The following TBCD variants were observed in gnomAD, a reference collection of about 807,000 sequenced individuals.
TBCD encodes tubulin-specific chaperone D.
A neutral mutation model predicts 169.3 loss-of-function variants in TBCD; 105 were observed. The ratio of observed to expected loss-of-function variants is 0.62; its 90% CI spans 0.53 to 0.73. The LOEUF is 0.73. Ranked by LOEUF, TBCD falls within the 30% of genes least tolerant of loss-of-function variation. TBCD has a pLI of 0.00. For missense variants in TBCD, 1,444 were observed against 1,600.1 expected, an observed-to-expected ratio of 0.90 and a Z score of 1.66; for synonymous variants, 700 against 643.9, an observed-to-expected ratio of 1.09 and a Z score of -1.32.
Position 82,764,052 on chromosome 17 carries a change from T to A in TBCD, c.323T>A (p.Ile108Asn), listed in dbSNP as rs746401695. The A allele has an allele frequency of 6.2e-7, 1 of 1,613,206 alleles. No homozygotes were observed. The highest frequency in any genetic ancestry group is 1.7e-5 in the Admixed American group (1 of 59,976). ...CATCTGGCTTTTAAATTTCTTTACA[T>A]CATCACCAAGGTAACATTTCCATAG... ...LVHLAFKFLY[I>N]ITKVRGYKTF... Residue 108 changes from isoleucine to asparagine, a missense_variant, in exon 3 of 39, where the codon ATC (isoleucine) becomes AAC (asparagine). Ile to Asn is a moderately radical substitution (Grantham distance 149). Coordinates refer to ENST00000355528, the MANE Select transcript of TBCD (RefSeq NM_005993.5).
At position 82,874,503 on chromosome 17, in the gene TBCD, G is replaced by A. The variant is rs1167064364; in HGVS notation, c.1475+4123G>A. ...GGCTCGCAGCTCACAGGCTTCTGACGCCTCAGCCTGGAGCTGGCGTTGTGC... is the reference window on the plus strand; with the variant it reads ...GGCTCGCAGCTCACAGGCTTCTGACACCTCAGCCTGGAGCTGGCGTTGTGC... On this transcript the variant is annotated intron_variant, in intron 14 of 38. Coordinates refer to ENST00000355528, the MANE Select transcript of TBCD (RefSeq NM_005993.5). This position sits in a 1 kb window ranked among gnomAD's most constrained non-coding sequence, Gnocchi z 5.0. Among the ~76,000 whole-genome samples the A allele has an allele frequency of 5.3e-5, 8 of 152,066 alleles. No individual in the cohort carries two copies. The highest frequency in any genetic ancestry group is 1.3e-4 in the Admixed American group (2 of 15,280).
At chr17:82,768,862 A>G (rs1198921370) in intron 5 of TBCD, among the ~76,000 whole-genome samples, 1 of 152,224 alleles carries the variant, frequency 6.6e-6, no homozygotes, top group Non-Finnish European at 1.5e-5. Context: ...CCCATTTTAC[A>G]TTTAGTTCTT....
chr17:82,937,622 C>T (rs893070777), intron 35 of TBCD: 81 of 598,954 alleles, frequency 1.4e-4, no homozygotes, highest in Non-Finnish European at 2.1e-4. Flanking sequence ...GGGGAGGCTC[C>T]GGAAAGGAGC....
chr17:82,924,864 TGGGGCACACGTC>T (rs2061624101), intron 26 of TBCD, 63 bp from the exon 27 acceptor site: 1 of 1,228,776 alleles, frequency 8.1e-7, no homozygotes, highest in South Asian at 1.4e-5. Context: ...TGCTCCTGTT[TGGGGCACACGTC>T]GGGTGTGGCT....
At chr17:82,800,566 G>T (rs527970539) in intron 8 of TBCD, among the ~76,000 whole-genome samples, 41 of 152,216 alleles carry the variant, frequency 2.7e-4, no homozygotes, top group African/African-American at 9.4e-4. Flanking sequence ...TGGGGTCTCC[G>T]TGGCTGCAGT....
intron 9 of TBCD, among the ~76,000 whole-genome samples, chr17:82,803,787 C>T (rs594829): frequency 0.015 from 2,260 of 151,764 alleles, 48 homozygotes; most frequent in African/African-American, 0.053. Flanking sequence ...TTTGTGGTGC[C>T]GTCTGGTCTT....
Position 82,870,370 on chromosome 17 carries a change from G to A in TBCD, c.1465G>A (p.Ala489Thr). ...TCAGGAGCTGAAGCCCTTTGTGACT[G>A]CAATCTCGAGGTAGGCCCATTCGTC... Reference protein sequence around the residue: ...EPQELKPFVTAISSALVIAAV... With the variant: ...EPQELKPFVTTISSALVIAAV... Residue 489 changes from alanine (A) to threonine (T), a missense_variant, in exon 14 of 39, where the codon GCA (alanine) becomes ACA (threonine). Coordinates refer to ENST00000355528, the MANE Select transcript of TBCD (RefSeq NM_005993.5). 1 of 1,612,708 alleles carries A rather than the reference G, an allele frequency of 6.2e-7. No individual in the cohort carries two copies. Among genetic ancestry groups the A allele is most frequent in the Non-Finnish European group, 8.5e-7 (1 of 1,179,566 alleles).
At chr17:82,767,330 A>AC (rs2048064406) in intron 4 of TBCD, among the ~76,000 whole-genome samples, 1 of 151,972 alleles carries the variant, frequency 6.6e-6, no homozygotes, top group East Asian at 1.9e-4. Context: ...TTTCCCTAGT[A>AC]CTTCTAGCGC....
At chr17:82,810,964 A>G (rs2051394584) in intron 12 of TBCD, among the ~76,000 whole-genome samples, 2 of 152,250 alleles carry the variant, frequency 1.3e-5, no homozygotes, top group African/African-American at 2.4e-5. Context: ...GATACGGGTC[A>G]TGTTTTTCAG....
intron 9 of TBCD, among the ~76,000 whole-genome samples, chr17:82,804,914 T>A (rs912867923): frequency 6.6e-6 from 1 of 152,218 alleles, no homozygotes; most frequent in Non-Finnish European, 1.5e-5. Context: ...TCGAAGCAGG[T>A]TGATGGCATC....
chr17:82,826,636 G>C (rs891072827), intron 13 of TBCD, among the ~76,000 whole-genome samples: 3 of 152,074 alleles, frequency 2.0e-5, no homozygotes, highest in Admixed American at 2.0e-4. Flanking sequence ...GACTGGTCTT[G>C]AACTCCTTGG....
At chr17:82,858,717 CCT>C (rs2056516314) in intron 13 of TBCD, 8 of 936,328 alleles carry the variant, frequency 8.5e-6, no homozygotes, top group African/African-American at 1.8e-5. Flanking sequence ...TTCTGACCCT[CCT>C]GTGGATGGAA....
At chr17:82,867,396 T>C (rs1351811129) in intron 13 of TBCD, among the ~76,000 whole-genome samples, 1 of 152,184 alleles carries the variant, frequency 6.6e-6, no homozygotes, top group African/African-American at 2.4e-5. Context: ...TGCCGGGTGG[T>C]CGTGCCTGGG....
chr17:82,884,215 A>T lies in TBCD; in HGVS notation c.1533+13A>T. On this transcript the variant is annotated intron_variant, in intron 15 of 38. Coordinates refer to ENST00000355528, the MANE Select transcript of TBCD (RefSeq NM_005993.5). This position sits in a 1 kb window ranked among gnomAD's most constrained non-coding sequence, Gnocchi z 4.2. Reference sequence around the variant, plus strand: ...AAGAGCAGCCTCTGTAAGTTTTCTCATTTTGATATTTCCTTTCCTGAAGGT... The same window carrying T: ...AAGAGCAGCCTCTGTAAGTTTTCTCTTTTTGATATTTCCTTTCCTGAAGGT... 1 of 1,595,774 alleles carries T rather than the reference A, an allele frequency of 6.3e-7. No individual in the cohort carries two copies. The highest frequency in any genetic ancestry group is 8.5e-7 in the Non-Finnish European group (1 of 1,170,168).
chr17:82,765,857 A>G (rs1409786149), intron 3 of TBCD, among the ~76,000 whole-genome samples: 1 of 152,074 alleles, frequency 6.6e-6, no homozygotes, highest in Non-Finnish European at 1.5e-5. Context: ...TTGCTCTGTC[A>G]CTCAGGCTAG....
At chr17:82,757,254 C>T (rs1341216027) in intron 2 of TBCD, among the ~76,000 whole-genome samples, 1 of 152,166 alleles carries the variant, frequency 6.6e-6, no homozygotes, top group African/African-American at 2.4e-5. Flanking sequence ...AAGGGTCAGC[C>T]TTTCATGTGC....
At chr17:82,841,143 C>T (rs1041587016) in intron 13 of TBCD, among the ~76,000 whole-genome samples, 7 of 150,806 alleles carry the variant, frequency 4.6e-5, no homozygotes, top group Admixed American at 1.3e-4. Flanking sequence ...GGGGTTTCAC[C>T]GTGTTAGCCA....
chr17:82,758,400 A>AAAATAAATAAATAAAT (rs1555672642), intron 2 of TBCD, among the ~76,000 whole-genome samples: 1 of 100,032 alleles, frequency 1.0e-5, no homozygotes, highest in Non-Finnish European at 1.9e-5. Context: ...AAAAAAAAAA[A>AAAATAAATAAATAAAT]AAATAAATAA....
intron 6 of TBCD, among the ~76,000 whole-genome samples, chr17:82,774,894 C>G (rs1358792174): frequency 6.6e-6 from 1 of 152,218 alleles, no homozygotes; most frequent in African/African-American, 2.4e-5. Flanking sequence ...AGTTCTTTCC[C>G]CGTCTTTTCC....
Sources: allele counts gnomAD v4.1 joint callset (sites outside exome capture counted in the v4.1 genomes callset), GRCh38; gene constraint gnomAD v4.1.1; non-coding constraint Gnocchi (gnomAD v3.1); transcripts MANE v1.5; gene names NCBI Gene and HGNC (gene_info 2026-07-23, HGNC 2026-07-21).